Variants in AATK observed in about 807,000 individuals in gnomAD.
The protein encoded by AATK is lemur tail kinase 1.
AATK carries 91 observed loss-of-function variants against 114.3 expected under a neutral mutation model. The observed-to-expected ratio is 0.80, with a 90% CI of 0.67 to 0.95. The LOEUF (loss-of-function observed/expected upper bound fraction) is 0.95, where lower values mean the gene tolerates loss of function less well. AATK is among the 40% of genes least tolerant of loss of function. The probability of loss-of-function intolerance (pLI) is 0.00; values close to 1 mark genes in which losing one functional copy is unlikely to be tolerated. For synonymous variants in AATK, 1,075 were observed against 916.5 expected, an observed-to-expected ratio of 1.17 and a Z score of -3.12; for missense variants, 2,176 against 1,965.2, an observed-to-expected ratio of 1.11 and a Z score of -2.03.
Position 81,122,576 on chromosome 17 carries a change from C to T in AATK, c.1360G>A (p.Ala454Thr), listed in dbSNP as rs1318090170. ...CCGTCCGCGTGGAAGCCGTCGCCCG[C>T]GAACTGCTCCAGCAGCGGGAAGGAC... Reference protein sequence around the residue: ...ASSFPLLEQFAGDGFHADGDD... With the variant: ...ASSFPLLEQFTGDGFHADGDD... Residue 454 changes from alanine to threonine, a missense_variant, in exon 11 of 14, where the codon GCG becomes ACG. Ala to Thr is a moderately conservative substitution (Grantham distance 58, BLOSUM62 0). Coordinates refer to ENST00000326724, the MANE Select transcript of AATK (RefSeq NM_001080395.3). 2.1e-6 allele frequency: 3 copies of T among 1,458,270 alleles called. No individual in the cohort carries two copies. Among genetic ancestry groups the T allele is most frequent in the Non-Finnish European group, 2.7e-6 (3 of 1,098,132 alleles). The allele number at this position is 1,458,270 out of a possible 1,614,324, so 90.3% of individuals were successfully genotyped here.
rs1247418709 is a variant in AATK at position 81,126,309 on chromosome 17, T to G, written c.755+118A>C. 3.2e-4 allele frequency: 404 copies of G among 1,280,602 alleles called. No homozygotes were observed. Among genetic ancestry groups the G allele is most frequent in the Non-Finnish European group, 3.8e-4 (365 of 950,646 alleles). 79.3% of individuals were successfully genotyped at this position (1,280,602 alleles called of 1,614,324 possible). Reference sequence around the variant, plus strand: ...TGCATAGTGGTTGTCTGATGCTGCATGAGATGAACCTGGCCGGTCCTCGCA... The same window carrying G: ...TGCATAGTGGTTGTCTGATGCTGCAGGAGATGAACCTGGCCGGTCCTCGCA... On this transcript the variant is annotated intron_variant, in intron 7 of 13. Coordinates refer to ENST00000326724, the MANE Select transcript of AATK (RefSeq NM_001080395.3). This position sits in a 1 kb window ranked among gnomAD's most constrained non-coding sequence, Gnocchi z 5.1.
At position 81,164,183 on chromosome 17, in the gene AATK, G is replaced by A. The variant is rs147593651; in HGVS notation, c.55+1755C>T. On this transcript the variant is annotated intron_variant, in intron 1 of 13. Coordinates refer to ENST00000326724, the MANE Select transcript of AATK (RefSeq NM_001080395.3). The stretch of plus-strand genomic sequence containing the variant: ...GGCCCATGTCATAGATGGGAAAACC[G>A]AGGTTCACAGAGGCAAGGCCAGGCA... 9.2e-3 allele frequency among the ~76,000 whole-genome samples: 1,406 copies of A among 152,326 alleles called. 4 individuals are homozygous for A. The highest frequency in any genetic ancestry group is 0.014 in the Non-Finnish European group (923 of 68,036).
intron 8 of AATK, 25 bp downstream of exon 8, chr17:81,124,905 G>GGCC: frequency 9.7e-5 from 145 of 1,501,584 alleles, no homozygotes; most frequent in Non-Finnish European, 1.2e-4. Context: ...CTCATGCCCA[G>GGCC]CCCAGCCCAC....
intron 13 of AATK, among the ~76,000 whole-genome samples, chr17:81,118,848 G>A (rs1004874372): frequency 1.1e-4 from 16 of 152,322 alleles, no homozygotes; most frequent in African/African-American, 3.6e-4. Flanking sequence ...CTGGCAGGGG[G>A]CCTTCTCCGA....
intron 1 of AATK, among the ~76,000 whole-genome samples, chr17:81,160,739 G>A (rs1020214732): frequency 6.6e-6 from 1 of 152,234 alleles, no homozygotes; most frequent in Non-Finnish European, 1.5e-5. Context: ...TGGGCCTCCC[G>A]TCAGCCTTGC....
intron 3 of AATK, 176 bp from the exon 4 acceptor site, chr17:81,128,725 G>C (rs1271520227): frequency 1.4e-6 from 2 of 1,419,886 alleles, no homozygotes; most frequent in Non-Finnish European, 1.8e-6. Flanking sequence ...TGAGAGCAGG[G>C]GCCGCTGCTT....
Position 81,124,912 on chromosome 17 carries a change from C to A in AATK, c.840+18G>T. 1 of 1,560,130 alleles carries A rather than the reference C, an allele frequency of 6.4e-7. No individual in the cohort carries two copies. The highest frequency in any genetic ancestry group is 2.4e-5 in the East Asian group (1 of 42,316). On this transcript the variant is annotated intron_variant, in intron 8 of 13. Transcript: ENST00000326724. ...CCCTGCCCCTCATGCCCAGCCCAGC[C>A]CACCCCACCCCACTCACTCTGTACT...
chr17:81,125,635 G>A (rs1027487364), intron 7 of AATK, among the ~76,000 whole-genome samples: 35 of 152,150 alleles, frequency 2.3e-4, no homozygotes, highest in Non-Finnish European at 4.3e-4. Context: ...CTGGTCACGT[G>A]GGTGTGAGGA....
At chr17:81,159,046 G>A (rs1193665698) in intron 1 of AATK, among the ~76,000 whole-genome samples, 2 of 152,338 alleles carry the variant, frequency 1.3e-5, no homozygotes, top group Non-Finnish European at 2.9e-5. Flanking sequence ...CAGATCGGTG[G>A]CTGCCAGGGC....
At chr17:81,138,363 A>T (rs1177016422) in intron 1 of AATK, among the ~76,000 whole-genome samples, 1 of 143,580 alleles carries the variant, frequency 7.0e-6, no homozygotes, top group African/African-American at 2.6e-5. Flanking sequence ...ACGCACACAC[A>T]CTCCCATGGA....
chr17:81,159,993 A>C (rs1179157789), intron 1 of AATK, among the ~76,000 whole-genome samples: 2 of 152,090 alleles, frequency 1.3e-5, no homozygotes, highest in Non-Finnish European at 2.9e-5. Flanking sequence ...TAGGCTGGCC[A>C]CGCCCCGCCG....
At chr17:81,123,749 G>T (rs1332074282) in intron 9 of AATK, among the ~76,000 whole-genome samples, 1 of 151,704 alleles carries the variant, frequency 6.6e-6, no homozygotes, top group Admixed American at 6.6e-5. Context: ...GGAGGGGGAA[G>T]GAAGGGGAGA....
rs1568227092 is a variant in AATK at position 81,126,816 on chromosome 17, G to A, written c.622-256C>T. The A allele has an allele frequency of 4.4e-6, 6 of 1,350,676 alleles. No homozygotes were observed. The highest frequency in any genetic ancestry group is 5.7e-6 in the Non-Finnish European group (6 of 1,050,112). The allele number at this position is 1,350,676 out of a possible 1,614,324, so 83.7% of individuals were successfully genotyped here. A position where few individuals can be genotyped will look rare whatever the true frequency, so the allele number is the denominator to read the frequency against. On this transcript the variant is annotated intron_variant, in intron 6 of 13. Coordinates refer to ENST00000326724, the MANE Select transcript of AATK (RefSeq NM_001080395.3). The surrounding 1 kb of genome is among the most constrained non-coding windows in gnomAD (Gnocchi z 5.1). Reference sequence around the variant, plus strand: ...AGCCCCGGGCAGCAGGAGTCCCTTGGCCTGTGGTAGAGAGAGAAACACAGG... The same window carrying A: ...AGCCCCGGGCAGCAGGAGTCCCTTGACCTGTGGTAGAGAGAGAAACACAGG...
rs1356611664 is a variant in AATK, at chr17:81,120,492, G to A, written c.3444C>T (p.Pro1148=). ...TPRAPLRLAL[P]GLPAALEGRP... is the part of the protein sequence containing the mutation. ...GGCCCTCCAAGGCCGCAGGGAGGCC[G>A]GGCAGAGCCAGGCGGAGTGGGGCTC... Residue 1148 remains proline (P), a synonymous_variant, in exon 11 of 14, where the codon CCC becomes CCT. Transcript: ENST00000326724. 18 of 1,507,364 alleles carry A rather than the reference G, an allele frequency of 1.2e-5. No homozygotes were observed. Among genetic ancestry groups the A allele is most frequent in the East Asian group, 4.8e-5 (2 of 41,310 alleles). The allele number at this position is 1,507,364 out of a possible 1,614,324, so 93.4% of individuals were successfully genotyped here.
At chr17:81,119,900 C>T in intron 12 of AATK, 36 bp downstream of exon 12, 2 of 1,410,974 alleles carry the variant, frequency 1.4e-6, no homozygotes, top group East Asian at 2.8e-5. Flanking sequence ...GCCCTGCCTC[C>T]CGTGACGTCA....
At chr17:81,138,967 G>A (rs1037674517) in intron 1 of AATK, among the ~76,000 whole-genome samples, 4 of 148,410 alleles carry the variant, frequency 2.7e-5, no homozygotes, top group African/African-American at 5.0e-5. Flanking sequence ...ACACGTGCGC[G>A]CGCACCCACA....
chr17:81,123,410 C>A, intron 9 of AATK, 67 bp from the exon 10 acceptor site: 1 of 1,291,546 alleles, frequency 7.7e-7, no homozygotes, highest in South Asian at 2.3e-5. Context: ...CGCAGGATCC[C>A]CGGGGCGCCG....
At chr17:81,124,533 G>T (rs1173621792) in intron 9 of AATK, among the ~76,000 whole-genome samples, 194 bp downstream of exon 9, 1 of 152,214 alleles carries the variant, frequency 6.6e-6, no homozygotes, top group Non-Finnish European at 1.5e-5. Context: ...TGGGGTCCCT[G>T]GGGCACCCTG....
chr17:81,152,422 C>A (rs1016412723), intron 1 of AATK, among the ~76,000 whole-genome samples: 1 of 152,106 alleles, frequency 6.6e-6, no homozygotes, highest in Non-Finnish European at 1.5e-5. Flanking sequence ...CCCGTCCCTA[C>A]AAAAATTTAA....
Sources: allele counts gnomAD v4.1 joint callset (sites outside exome capture counted in the v4.1 genomes callset), GRCh38; gene constraint gnomAD v4.1.1; non-coding constraint Gnocchi (gnomAD v3.1); transcripts MANE v1.5; gene names NCBI Gene and HGNC (gene_info 2026-07-23, HGNC 2026-07-21).